RBFOX1: variants seen among roughly 807,000 people sequenced by gnomAD.
RBFOX1 encodes the protein RNA binding protein fox-1 homolog 1.
Under a neutral mutation model 57.7 loss-of-function variants are expected in RBFOX1, and 8 were observed. The observed-to-expected ratio is 0.14, with a 90% CI of 0.08 to 0.25. The LOEUF (loss-of-function observed/expected upper bound fraction) is 0.25, where lower values mean the gene tolerates loss of function less well. Ranked by LOEUF, RBFOX1 falls within the 10% of genes least tolerant of loss-of-function variation. The pLI is 1.00. For synonymous variants in RBFOX1, 326 were observed against 222.4 expected (o/e 1.47, Z -4.15); for missense variants, 611 against 548.5 (o/e 1.11, Z -1.14).
At chr16:6,767,128 AT>A (rs1222588987) in intron 3 of RBFOX1, among the ~76,000 whole-genome samples, 1 of 151,868 alleles carries the variant, frequency 6.6e-6, no homozygotes, top group African/African-American at 2.4e-5. Flanking sequence ...CCTCTCTTGC[AT>A]TTTTCCTCCA....
chr16:5,432,000 G>T (rs997939090), intron 1 of RBFOX1, among the ~76,000 whole-genome samples: 1 of 152,156 alleles, frequency 6.6e-6, no homozygotes, highest in Non-Finnish European at 1.5e-5. Flanking sequence ...TTGGCCTAGT[G>T]GGGTGAGAAG....
rs954766593 is a variant in RBFOX1 at position 6,369,347 on chromosome 16, A to G, written c.-64+52290A>G. Among the ~76,000 whole-genome samples the G allele has an allele frequency of 1.8e-4, 27 of 152,330 alleles. 1 individual carries two copies. The East Asian group carries it at 3.5e-3, about 20-fold the overall frequency. On this transcript the variant is annotated intron_variant, in intron 2 of 15. Coordinates refer to ENST00000550418, the MANE Select transcript of RBFOX1 (RefSeq NM_018723.4). ...GAACTTGCTGGGTCGGATAGTGTAAAGATTGAAAGGATTGATTTAAAAAAT... is the reference window on the plus strand; with the variant it reads ...GAACTTGCTGGGTCGGATAGTGTAAGGATTGAAAGGATTGATTTAAAAAAT...
intron 4 of RBFOX1, among the ~76,000 whole-genome samples, chr16:5,959,114 T>C (rs2059701707): frequency 6.6e-6 from 1 of 152,238 alleles, no homozygotes; most frequent in East Asian, 1.9e-4. Flanking sequence ...TACCTGTGGT[T>C]TTAACTGAAG....
chr16:6,702,381 C>G (rs146821611), intron 3 of RBFOX1, among the ~76,000 whole-genome samples: 173 of 152,232 alleles, frequency 1.1e-3, no homozygotes, highest in African/African-American at 3.8e-3. Context: ...TGGTGAAACT[C>G]CATCTCTACT....
intron 4 of RBFOX1, among the ~76,000 whole-genome samples, chr16:7,287,391 A>G (rs1037084210): frequency 6.6e-6 from 1 of 152,174 alleles, no homozygotes; most frequent in South Asian, 2.1e-4. Context: ...TGCAGGAACT[A>G]TGCCAGGGTG....
chr16:7,579,983 A>C, intron 6 of RBFOX1, 63 bp downstream of exon 6: 4 of 1,559,890 alleles, frequency 2.6e-6, no homozygotes. Flanking sequence ...TCCCTGTCTC[A>C]TGTAAGTTTG....
At chr16:5,889,724 C>G (rs2057999426) in intron 4 of RBFOX1, among the ~76,000 whole-genome samples, 1 of 152,200 alleles carries the variant, frequency 6.6e-6, no homozygotes, top group Non-Finnish European at 1.5e-5. Flanking sequence ...CTAGAGGGAT[C>G]TCACCTAGTC....
intron 4 of RBFOX1, among the ~76,000 whole-genome samples, chr16:5,970,256 A>G (rs775610912): frequency 6.6e-6 from 1 of 150,946 alleles, no homozygotes; most frequent in Non-Finnish European, 1.5e-5. Context: ...TTGTCTATTT[A>G]CTCATTTTGT....
intron 1 of RBFOX1, among the ~76,000 whole-genome samples, chr16:5,275,164 A>T (rs1013221248): frequency 3.3e-5 from 5 of 152,146 alleles, no homozygotes; most frequent in African/African-American, 1.2e-4. Flanking sequence ...TTTCTTAAAA[A>T]TTTTTTTGAT....
intron 1 of RBFOX1, among the ~76,000 whole-genome samples, chr16:5,355,119 C>T (rs1490712815): frequency 1.3e-5 from 2 of 152,052 alleles, no homozygotes; most frequent in Admixed American, 6.6e-5. Context: ...ATACTAGGGT[C>T]GTCTTAGCTC....
intron 14 of RBFOX1, among the ~76,000 whole-genome samples, chr16:7,694,895 C>G (rs1057493268): frequency 2.0e-5 from 3 of 152,170 alleles, no homozygotes; most frequent in Non-Finnish European, 4.4e-5. Context: ...CTTCTGCCTT[C>G]TGTTAACCCC....
intron 1 of RBFOX1, among the ~76,000 whole-genome samples, chr16:6,153,162 G>A (rs527485936): frequency 4.0e-5 from 6 of 151,404 alleles, no homozygotes; most frequent in Admixed American, 6.6e-5. Flanking sequence ...CCCATCACCA[G>A]AGCAGTATAC....
chr16:6,878,484 G>C (rs961478585), intron 3 of RBFOX1, among the ~76,000 whole-genome samples: 14 of 152,156 alleles, frequency 9.2e-5, no homozygotes, highest in Non-Finnish European at 1.8e-4. Context: ...ATCCATGATG[G>C]ACATGTGATA....
chr16:5,732,939 C>A (rs146092951), intron 3 of RBFOX1, among the ~76,000 whole-genome samples: 376 of 152,188 alleles, frequency 2.5e-3, no homozygotes, highest in African/African-American at 7.9e-3. Context: ...AAGGAGTCAA[C>A]TTGGTGGGTT....
intron 3 of RBFOX1, among the ~76,000 whole-genome samples, chr16:6,807,119 C>T (rs1483612511): frequency 1.3e-5 from 2 of 151,850 alleles, no homozygotes; most frequent in African/African-American, 2.4e-5. Context: ...CAGGTGTAAG[C>T]CACCGTGCCC....
intron 1 of RBFOX1, among the ~76,000 whole-genome samples, chr16:5,344,739 A>G (rs2065104105): frequency 6.6e-6 from 1 of 152,228 alleles, no homozygotes. Flanking sequence ...TTGGTTGAAA[A>G]AAATATAACT....
intron 4 of RBFOX1, among the ~76,000 whole-genome samples, chr16:7,071,561 T>C (rs2057337695): frequency 6.7e-6 from 1 of 150,292 alleles, no homozygotes. Context: ...GGGTCACAAC[T>C]GACCCCAACA....
At chr16:7,193,530 T>G (rs573979695) in intron 4 of RBFOX1, among the ~76,000 whole-genome samples, 115 of 152,348 alleles carry the variant, frequency 7.5e-4, no homozygotes, top group African/African-American at 2.4e-3. Flanking sequence ...TAACTGCAAA[T>G]GCTTTTATGG....
chr16:7,041,389 G>A lies in RBFOX1; in HGVS notation c.-15-10668G>A, dbSNP rs116054517. ...CAATGCATTTCCTATTTGGCTCTTA[G>A]GAGAAAAAGTTTTTCAATTCCTAAT... On this transcript the variant is annotated intron_variant, in intron 3 of 15. Transcript: ENST00000550418. 6.8e-3 allele frequency among the ~76,000 whole-genome samples: 1,035 copies of A among 152,198 alleles called. 13 individuals carry two copies. Among genetic ancestry groups the A allele is most frequent in the African/African-American group, 0.024 (982 of 41,522 alleles).
Sources: gnomAD v4.1 joint callset for allele counts (sites outside exome capture counted in the v4.1 genomes callset) on GRCh38, gnomAD v4.1.1 for gene constraint, MANE v1.5 for transcripts, NCBI Gene and HGNC (gene_info 2026-07-23, HGNC 2026-07-21) for gene names.